Variants in TNK2 observed in about 807,000 individuals in gnomAD.
TNK2 encodes tyrosine kinase non receptor 2.
Under a neutral mutation model 101.8 loss-of-function variants are expected in TNK2, and 83 were observed. The observed-to-expected ratio is 0.82, with a 90% CI of 0.68 to 0.98. The LOEUF (loss-of-function observed/expected upper bound fraction) is 0.98. Among genes scored for constraint, TNK2 ranks in the 50% least tolerant of loss-of-function variants. The probability of loss-of-function intolerance (pLI) is 0.00; values close to 1 mark genes in which losing one functional copy is unlikely to be tolerated. For synonymous variants in TNK2, 804 were observed against 633.0 expected, an observed-to-expected ratio of 1.27 and a Z score of -4.06; for missense variants, 1,665 against 1,483.2, an observed-to-expected ratio of 1.12 and a Z score of -2.01.
intron 1 of TNK2, among the ~76,000 whole-genome samples, chr3:195,891,448 T>C (rs957945783): frequency 6.6e-6 from 1 of 152,252 alleles, no homozygotes; most frequent in Non-Finnish European, 1.5e-5. Flanking sequence ...ACTTACTATA[T>C]GCGAGGAACA....
Position 195,906,558 on chromosome 3 carries a change from G to C in TNK2, c.-19+1927C>G, listed in dbSNP as rs201349996. On this transcript the variant is annotated intron_variant, in intron 1 of 15. Coordinates refer to ENST00000672887, the MANE Select transcript of TNK2 (RefSeq NM_001382273.1). ...AACTCAGACACAGTGACAGAAAGTA[G>C]ACCAGCCTGTTACCTGGGGTAGGGG... is the stretch of plus-strand genomic sequence containing the variant. Among the ~76,000 whole-genome samples, 4 of 151,938 alleles carry C rather than the reference G, an allele frequency of 2.6e-5. No homozygotes were observed. The East Asian group carries it at 5.8e-4, about 22-fold the overall frequency.
rs1756963458 is a variant in TNK2 at position 195,888,198 on chromosome 3, T to A, written c.163+228A>T. On this transcript the variant is annotated intron_variant, in intron 2 of 15. Coordinates refer to ENST00000672887, the MANE Select transcript of TNK2 (RefSeq NM_001382273.1). This position sits in a 1 kb window ranked among gnomAD's most constrained non-coding sequence, Gnocchi z 5.3. ...AGAACAATCACAACGGGGCATGGAG[T>A]GACTCCTGTGTAGCCAGCTTTAGGG... 6.6e-6 allele frequency among the ~76,000 whole-genome samples: 1 copy of A among 151,752 alleles called. No homozygotes were observed. The highest frequency in any genetic ancestry group is 6.6e-5 in the Admixed American group (1 of 15,236).
rs1382057990 is a variant in TNK2 at position 195,886,903 on chromosome 3, T to G, written c.234+74A>C. On this transcript the variant is annotated intron_variant, in intron 3 of 15. Coordinates refer to ENST00000672887, the MANE Select transcript of TNK2 (RefSeq NM_001382273.1). The surrounding 1 kb of genome is among the most constrained non-coding windows in gnomAD (Gnocchi z 4.2). ...CGACCTGCCGGGGAGCTGGGGAAGGTTCCCAGGACCAGAAGCGGAGGGGGG... is the reference window on the plus strand; with the variant it reads ...CGACCTGCCGGGGAGCTGGGGAAGGGTCCCAGGACCAGAAGCGGAGGGGGG... 3.8e-5 allele frequency: 59 copies of G among 1,540,366 alleles called. No homozygotes were observed. Among genetic ancestry groups the G allele is most frequent in the Admixed American group, 1.3e-4 (8 of 59,768 alleles).
At chr3:195,875,889 G>A (rs951625432) in intron 9 of TNK2, among the ~76,000 whole-genome samples, 2 of 152,186 alleles carry the variant, frequency 1.3e-5, no homozygotes, top group African/African-American at 4.8e-5. Flanking sequence ...GCCTAAGGCT[G>A]CCCCAGCTCT....
chr3:195,897,078 G>A (rs1407352545), intron 1 of TNK2, among the ~76,000 whole-genome samples: 1 of 152,190 alleles, frequency 6.6e-6, no homozygotes, highest in African/African-American at 2.4e-5. Context: ...TACTGATGAG[G>A]AGAGGGGGGC....
intron 1 of TNK2, among the ~76,000 whole-genome samples, chr3:195,904,056 C>T (rs1012982864): frequency 9.2e-5 from 14 of 152,018 alleles, no homozygotes; most frequent in African/African-American, 3.4e-4. Flanking sequence ...AGTTGGAAAC[C>T]AGCCTGGGCA....
Position 195,872,309 on chromosome 3 carries a change from C to G in TNK2, c.1418G>C (p.Arg473Pro). 1 of 1,613,278 alleles carries G rather than the reference C, an allele frequency of 6.2e-7. No homozygotes were observed. The highest frequency in any genetic ancestry group is 8.5e-7 in the Non-Finnish European group (1 of 1,179,912). Residue 473 changes from arginine (R) to proline (P), a missense_variant, in exon 10 of 16, where the codon CGC (arginine) becomes CCC (proline). This residue lies in a region of TNK2 where 1,136 missense variants were observed against 894.9 expected (regional missense o/e 1.27). Coordinates refer to ENST00000672887, the MANE Select transcript of TNK2 (RefSeq NM_001382273.1). Reference sequence around the variant, plus strand: ...CCTGTCCGGGAAGCCCCAGCAGTGGCGGGGGTCACTGTCGCCATGCCCTGT... The same window carrying G: ...CCTGTCCGGGAAGCCCCAGCAGTGGGGGGGGTCACTGTCGCCATGCCCTGT... ...IHTGHGDSDP[R>P]HCWGFPDRID... is the part of the protein sequence containing the mutation.
intron 1 of TNK2, chr3:195,892,316 A>C: frequency 7.8e-7 from 1 of 1,283,286 alleles, no homozygotes; most frequent in Non-Finnish European, 1.0e-6. Context: ...GGGGTCCCTC[A>C]GCCGCTCCCA....
At chr3:195,883,082 G>GGA in intron 5 of TNK2, 75 bp downstream of exon 5, 2 of 1,555,856 alleles carry the variant, frequency 1.3e-6, no homozygotes, top group African/African-American at 2.7e-5. Context: ...ACCTTAGGAT[G>GGA]GAGAGAGGAA....
intron 1 of TNK2, chr3:195,892,539 G>A (rs904433243): frequency 1.1e-4 from 167 of 1,528,030 alleles, no homozygotes; most frequent in East Asian, 2.0e-4. Flanking sequence ...CAGTGGCCTC[G>A]GCTCCGGAGC....
At chr3:195,895,652 G>A in intron 1 of TNK2, 1 of 1,246,052 alleles carries the variant, frequency 8.0e-7, no homozygotes, top group Admixed American at 4.2e-5. Flanking sequence ...TTCGCCGGCC[G>A]CGGAACCGGG....
At chr3:195,890,050 T>G (rs1249129492) in intron 1 of TNK2, among the ~76,000 whole-genome samples, 1 of 152,190 alleles carries the variant, frequency 6.6e-6, no homozygotes, top group Non-Finnish European at 1.5e-5. Flanking sequence ...ACAGTGCCAG[T>G]TCCGACTTTT....
chr3:195,887,088 G>A lies in TNK2; in HGVS notation c.164-41C>T, dbSNP rs372768035. 1,512 of 1,606,294 alleles carry A rather than the reference G, an allele frequency of 9.4e-4. 2 individuals are homozygous for A. Among genetic ancestry groups the A allele is most frequent in the Non-Finnish European group, 1.2e-3 (1,378 of 1,174,302 alleles). ...GGAACCGCGTGCTGTGAAGGCCGCCGTAGCCCGAGAGAGGCTGCTGCCTGT... is the reference window on the plus strand; with the variant it reads ...GGAACCGCGTGCTGTGAAGGCCGCCATAGCCCGAGAGAGGCTGCTGCCTGT... On this transcript the variant is annotated intron_variant, in intron 2 of 15. Coordinates refer to ENST00000672887, the MANE Select transcript of TNK2 (RefSeq NM_001382273.1).
At chr3:195,902,434 A>G (rs192267941) in intron 1 of TNK2, among the ~76,000 whole-genome samples, 1 of 152,220 alleles carries the variant, frequency 6.6e-6, no homozygotes, top group African/African-American at 2.4e-5. Flanking sequence ...CCTGGCCAAC[A>G]TGGTGAAACC....
chr3:195,885,532 C>G lies in TNK2; in HGVS notation c.235-499G>C, dbSNP rs1449766954. ...GTCTCCACCCTCACCAGGGAGTCGG[C>G]TGCCCTTCATCCTGCCCAGGGGAGA... On this transcript the variant is annotated intron_variant, in intron 3 of 15. Coordinates refer to ENST00000672887, the MANE Select transcript of TNK2 (RefSeq NM_001382273.1). The surrounding 1 kb of genome is among the most constrained non-coding windows in gnomAD (Gnocchi z 4.7). The G allele has an allele frequency of 7.7e-6, 10 of 1,292,556 alleles. No homozygotes were observed. In the East Asian group the frequency reaches 5.5e-4, roughly 71 times the overall value. The allele number at this position is 1,292,556 out of a possible 1,614,324, so 80.1% of individuals were successfully genotyped here.
intron 1 of TNK2, chr3:195,895,270 C>T: frequency 3.8e-6 from 6 of 1,559,956 alleles, no homozygotes; most frequent in Non-Finnish European, 5.2e-6. Context: ...CGCCCCCAGC[C>T]AGGCGCTGGT....
At position 195,886,956 on chromosome 3, in the gene TNK2, C is replaced by T. The variant is rs542837301; in HGVS notation, c.234+21G>A. 4.3e-5 allele frequency: 70 copies of T among 1,612,722 alleles called. No homozygotes were observed. Among genetic ancestry groups the T allele is most frequent in the Non-Finnish European group, 5.9e-5 (70 of 1,179,080 alleles). On this transcript the variant is annotated intron_variant, in intron 3 of 15. Transcript: ENST00000672887. This position sits in a 1 kb window ranked among gnomAD's most constrained non-coding sequence, Gnocchi z 4.2. ...TTCGAGGCTGCCCCCCTCCCACCTC[C>T]TCACCCACCTCCTCACCCACCTTAC...
chr3:195,883,495 C>T lies in TNK2; in HGVS notation c.457-186G>A, dbSNP rs990716637. On this transcript the variant is annotated intron_variant, in intron 4 of 15. Coordinates refer to ENST00000672887, the MANE Select transcript of TNK2 (RefSeq NM_001382273.1). Reference sequence around the variant, plus strand: ...TGAGGCCTGGCTGGAGAAGGGCAGACGGCTGGCCCTCAGGAGCCATCGTCG... The same window carrying T: ...TGAGGCCTGGCTGGAGAAGGGCAGATGGCTGGCCCTCAGGAGCCATCGTCG... 10 of 643,496 alleles carry T rather than the reference C, an allele frequency of 1.6e-5. No individual in the cohort carries two copies. In the African/African-American group the frequency reaches 1.6e-4, roughly 11 times the overall value. 39.9% of individuals were successfully genotyped at this position (643,496 alleles called of 1,614,324 possible).
intron 1 of TNK2, chr3:195,892,606 GAA>G: frequency 6.9e-7 from 1 of 1,453,740 alleles, no homozygotes; most frequent in Non-Finnish European, 9.1e-7. Flanking sequence ...AAATGAGGAA[GAA>G]CGGGGTGGGC....
Sources: gnomAD v4.1 joint callset for allele counts (sites outside exome capture counted in the v4.1 genomes callset) on GRCh38, gnomAD v4.1.1 for gene constraint, gnomAD v4.1.1 regional missense constraint, Gnocchi (gnomAD v3.1) non-coding constraint, MANE v1.5 for transcripts, NCBI Gene and HGNC (gene_info 2026-07-23, HGNC 2026-07-21) for gene names.